Variants in GATB observed in about 807,000 individuals in gnomAD.
The protein encoded by GATB is glutamyl-tRNA amidotransferase subunit B.
GATB carries 39 observed loss-of-function variants against 62.3 expected under a neutral mutation model. The observed-to-expected ratio is 0.63, with a 90% CI of 0.48 to 0.82. The LOEUF (loss-of-function observed/expected upper bound fraction) is 0.82. GATB is among the 40% of genes least tolerant of loss of function. GATB has a pLI of 0.00. For synonymous variants in GATB, 276 were observed against 258.9 expected (o/e 1.07, Z -0.63); for missense variants, 670 against 684.0 (o/e 0.98, Z 0.23).
At chr4:151,698,880 CT>C (rs932874314) in intron 9 of GATB, among the ~76,000 whole-genome samples, 37 of 147,142 alleles carry the variant, frequency 2.5e-4, no homozygotes, top group Admixed American at 2.7e-4. Flanking sequence ...ATTCACCCTT[CT>C]TTTTTTTTTT....
chr4:151,680,546 C>G (rs900027727), intron 10 of GATB, among the ~76,000 whole-genome samples: 1 of 152,138 alleles, frequency 6.6e-6, no homozygotes, highest in Non-Finnish European at 1.5e-5. Flanking sequence ...CAGGGGCATC[C>G]AAGCATAGTG....
At chr4:151,735,324 C>T (rs1043834263) in intron 2 of GATB, among the ~76,000 whole-genome samples, 1 of 150,952 alleles carries the variant, frequency 6.6e-6, no homozygotes, top group Non-Finnish European at 1.5e-5. Context: ...AAATGGCCAA[C>T]AAACATTATG....
chr4:151,729,593 G>A (rs1255623621), intron 2 of GATB, among the ~76,000 whole-genome samples: 1 of 152,036 alleles, frequency 6.6e-6, no homozygotes. Context: ...CATGATGTCT[G>A]CAACTTACTC....
intron 6 of GATB, among the ~76,000 whole-genome samples, chr4:151,706,843 T>G (rs1738725329): frequency 6.6e-6 from 1 of 152,212 alleles, no homozygotes. Flanking sequence ...CTGTGCACCC[T>G]TGAAGGGGTG....
chr4:151,700,763 C>G (rs1355035093), intron 9 of GATB, among the ~76,000 whole-genome samples: 1 of 152,186 alleles, frequency 6.6e-6, no homozygotes, highest in East Asian at 1.9e-4. Flanking sequence ...GATGGAAAAT[C>G]CCTAAGCAGA....
At chr4:151,748,462 T>C (rs1331744245) in intron 2 of GATB, among the ~76,000 whole-genome samples, 1 of 152,228 alleles carries the variant, frequency 6.6e-6, no homozygotes, top group Non-Finnish European at 1.5e-5. Context: ...TAGCCATATG[T>C]AGAAAGCTGA....
At chr4:151,753,735 T>C (rs1212663562) in intron 2 of GATB, among the ~76,000 whole-genome samples, 3 of 150,874 alleles carry the variant, frequency 2.0e-5, no homozygotes, top group African/African-American at 4.9e-5. Flanking sequence ...ACATTTTAAG[T>C]GTACACTATC....
At chr4:151,696,564 G>A (rs556659221) in intron 9 of GATB, among the ~76,000 whole-genome samples, 28 of 152,312 alleles carry the variant, frequency 1.8e-4, no homozygotes, top group African/African-American at 4.1e-4. Flanking sequence ...GCTCCAATAC[G>A]GGCTTGGGGA....
chr4:151,689,308 C>A (rs1738315515), intron 9 of GATB, among the ~76,000 whole-genome samples: 1 of 152,128 alleles, frequency 6.6e-6, no homozygotes, highest in African/African-American at 2.4e-5. Context: ...AAGAAATAGA[C>A]AGGAATGGTT....
intron 2 of GATB, among the ~76,000 whole-genome samples, chr4:151,731,528 G>A (rs544672266): frequency 3.9e-5 from 6 of 152,272 alleles, no homozygotes; most frequent in East Asian, 1.9e-4. Context: ...GCCTCTGCCC[G>A]GCTGCCACCC....
intron 10 of GATB, among the ~76,000 whole-genome samples, chr4:151,681,027 G>A (rs1385946076): frequency 6.6e-6 from 1 of 152,224 alleles, no homozygotes; most frequent in Non-Finnish European, 1.5e-5. Context: ...CTGTGTAAAT[G>A]AGGGCTTCTG....
chr4:151,682,103 C>G (rs1367456570), intron 10 of GATB, among the ~76,000 whole-genome samples: 1 of 152,208 alleles, frequency 6.6e-6, no homozygotes, highest in African/African-American at 2.4e-5. Context: ...AGAAGTTCAT[C>G]TAAGGACCTT....
intron 4 of GATB, 166 bp from the exon 5 acceptor site, chr4:151,716,297 TA>T (rs1430628255): frequency 9.3e-5 from 53 of 570,712 alleles, no homozygotes; most frequent in Admixed American, 1.9e-4. Context: ...TTTTTTTTTT[TA>T]AAGAGGCGTC....
chr4:151,711,839 A>G (rs1738823940), intron 5 of GATB, among the ~76,000 whole-genome samples: 1 of 152,158 alleles, frequency 6.6e-6, no homozygotes, highest in Non-Finnish European at 1.5e-5. Flanking sequence ...GAACGCTGGC[A>G]TTTTCCTGAG....
intron 9 of GATB, among the ~76,000 whole-genome samples, chr4:151,692,030 G>A (rs180713399): frequency 2.9e-4 from 44 of 152,308 alleles, no homozygotes; most frequent in African/African-American, 7.0e-4. Context: ...GGGTGGCTGC[G>A]TGAGGCTACT....
At chr4:151,679,552 G>A (rs1308605583) in intron 11 of GATB, among the ~76,000 whole-genome samples, 1 of 152,230 alleles carries the variant, frequency 6.6e-6, no homozygotes, top group Non-Finnish European at 1.5e-5. Flanking sequence ...AGACATGTCA[G>A]GCGGAGATGT....
At chr4:151,673,706 T>C (rs1737930600) in intron 11 of GATB, 1 of 152,194 alleles carries the variant, frequency 6.6e-6, no homozygotes. Context: ...AGGAAGGCTA[T>C]TTCCTAGGGT....
chr4:151,688,915 T>A (rs1208276492), intron 9 of GATB, 152 bp from the exon 10 acceptor site: 7 of 671,654 alleles, frequency 1.0e-5, no homozygotes, highest in South Asian at 8.0e-5. Flanking sequence ...AACATTCTGA[T>A]CACTTTCAGC....
At chr4:151,742,503 A>AT (rs1739514107) in intron 2 of GATB, among the ~76,000 whole-genome samples, 1 of 152,130 alleles carries the variant, frequency 6.6e-6, no homozygotes. Context: ...CCTCCCTTCT[A>AT]TAAGGTTTCA....
Sources: gnomAD v4.1 joint callset for allele counts (sites outside exome capture counted in the v4.1 genomes callset) on GRCh38, gnomAD v4.1.1 for gene constraint, MANE v1.5 for transcripts, NCBI Gene and HGNC (gene_info 2026-07-23, HGNC 2026-07-21) for gene names.